The following SPATA17 variants were observed in gnomAD, a reference collection of about 807,000 sequenced individuals.
SPATA17 encodes the protein spermatogenesis-associated protein 17.
Under a neutral mutation model 62.2 loss-of-function variants are expected in SPATA17, and 53 were observed. That is an observed-to-expected ratio of 0.85 (90% CI 0.68 to 1.07). The LOEUF (loss-of-function observed/expected upper bound fraction) is 1.07. SPATA17 is among the 50% of genes least tolerant of loss of function. The pLI, the probability that SPATA17 is intolerant of heterozygous loss-of-function variation, is 0.00. For missense variants in SPATA17, 466 were observed against 425.5 expected, an observed-to-expected ratio of 1.10 and a Z score of -0.84; for synonymous variants, 146 against 146.8, an observed-to-expected ratio of 0.99 and a Z score of 0.04.
intron 1 of SPATA17, among the ~76,000 whole-genome samples, chr1:217,637,985 A>T (rs560976132): frequency 4.3e-4 from 65 of 152,180 alleles, no homozygotes; most frequent in Non-Finnish European, 8.1e-4. Flanking sequence ...TATGTTAACT[A>T]AGAAGATTAA....
At chr1:217,760,294 A>G (rs1049359198) in intron 6 of SPATA17, among the ~76,000 whole-genome samples, 1 of 152,220 alleles carries the variant, frequency 6.6e-6, no homozygotes, top group African/African-American at 2.4e-5. Flanking sequence ...CAAGATCAGA[A>G]CAAAATAGGA....
intron 9 of SPATA17, among the ~76,000 whole-genome samples, chr1:217,848,500 CT>C (rs1342226571): frequency 6.6e-6 from 1 of 152,034 alleles, no homozygotes; most frequent in Non-Finnish European, 1.5e-5. Context: ...GATGTTTCTT[CT>C]GTGTAACTTT....
intron 5 of SPATA17, among the ~76,000 whole-genome samples, chr1:217,690,979 A>G (rs1036365362): frequency 6.8e-6 from 1 of 146,916 alleles, no homozygotes; most frequent in African/African-American, 2.6e-5. Context: ...TAGCAGCATG[A>G]TTTATAGTCC....
intron 6 of SPATA17, among the ~76,000 whole-genome samples, chr1:217,743,453 A>G (rs960068773): frequency 6.6e-6 from 1 of 151,960 alleles, no homozygotes; most frequent in Non-Finnish European, 1.5e-5. Context: ...TTTAAATCTG[A>G]TATTTTATTT....
At chr1:217,861,916 T>C (rs1675904045) in intron 9 of SPATA17, among the ~76,000 whole-genome samples, 1 of 152,164 alleles carries the variant, frequency 6.6e-6, no homozygotes, top group African/African-American at 2.4e-5. Flanking sequence ...GAGGCTTTGC[T>C]GTACCAGAGT....
intron 3 of SPATA17, among the ~76,000 whole-genome samples, chr1:217,658,763 A>T (rs1289394504): frequency 6.6e-6 from 1 of 152,146 alleles, no homozygotes; most frequent in Admixed American, 6.5e-5. Flanking sequence ...ATCTCAAAAA[A>T]TCATAATAAT....
At chr1:217,786,750 T>TTCTTCTTCTTCTTCTTCTTCTTC (rs1553252152) in intron 8 of SPATA17, among the ~76,000 whole-genome samples, 24 of 107,550 alleles carry the variant, frequency 2.2e-4, no homozygotes, top group Middle Eastern at 5.3e-3. Flanking sequence ...TGATATTCTC[T>TTCTTCTTCTTCTTCTTCTTCTTC]TTCTTCTTCT....
chr1:217,656,040 C>T (rs977514028), intron 3 of SPATA17, among the ~76,000 whole-genome samples: 1 of 151,872 alleles, frequency 6.6e-6, no homozygotes, highest in African/African-American at 2.4e-5. Flanking sequence ...CCACCCCCCA[C>T]GCCCGGCTAG....
In SPATA17 at chr1:217,749,983, C is replaced by CTATATATATATATA. The variant is rs1387385689; in HGVS notation, c.519+7886_519+7887insATATATATATATAT. 1.6e-3 allele frequency among the ~76,000 whole-genome samples: 38 copies of CTATATATATATATA among 24,064 alleles called. 2 individuals carry two copies. Among genetic ancestry groups the CTATATATATATATA allele is most frequent in the African/African-American group, 3.4e-3 (22 of 6,382 alleles). The allele number at this position is 24,064 out of a possible 152,430, so 15.8% of individuals were successfully genotyped here. Reference sequence around the variant, plus strand: ...TCTCTCTCTCTCTCTCTCTCTCTCTCTCTATATATATATATATATATATAT... The same window carrying CTATATATATATATA: ...TCTCTCTCTCTCTCTCTCTCTCTCTCTATATATATATATATCTATATATATATATATATATATAT... On this transcript the variant is annotated intron_variant, in intron 6 of 10. Transcript: ENST00000366933.
At chr1:217,849,111 T>A (rs750431356) in intron 9 of SPATA17, among the ~76,000 whole-genome samples, 71 of 152,222 alleles carry the variant, frequency 4.7e-4, no homozygotes, top group Admixed American at 7.9e-4. Context: ...CTCAACTTCA[T>A]CTAAATTGGT....
At chr1:217,837,345 T>C (rs1181950700) in intron 9 of SPATA17, among the ~76,000 whole-genome samples, 1 of 152,106 alleles carries the variant, frequency 6.6e-6, no homozygotes, top group African/African-American at 2.4e-5. Context: ...AAATATAATA[T>C]CCAAGTACTA....
intron 1 of SPATA17, among the ~76,000 whole-genome samples, chr1:217,633,299 A>G (rs1202270684): frequency 6.6e-6 from 1 of 152,186 alleles, no homozygotes; most frequent in Non-Finnish European, 1.5e-5. Context: ...GACTGATTAT[A>G]TATGAGGGAT....
At chr1:217,800,404 A>T (rs773033899) in intron 8 of SPATA17, among the ~76,000 whole-genome samples, 9 of 152,118 alleles carry the variant, frequency 5.9e-5, no homozygotes, top group Non-Finnish European at 1.2e-4. Context: ...AAAGAGTTCA[A>T]TGGCCAGTCT....
chr1:217,800,153 A>T (rs1157889346), intron 8 of SPATA17, among the ~76,000 whole-genome samples: 1 of 152,088 alleles, frequency 6.6e-6, no homozygotes. Flanking sequence ...CTGGTAATTC[A>T]TTCTTAAGTT....
chr1:217,710,456 T>C (rs1417536042), intron 5 of SPATA17, among the ~76,000 whole-genome samples: 1 of 152,152 alleles, frequency 6.6e-6, no homozygotes, highest in Non-Finnish European at 1.5e-5. Flanking sequence ...CCAAGTTTAA[T>C]GCTTAAATAT....
intron 4 of SPATA17, among the ~76,000 whole-genome samples, chr1:217,680,505 G>A (rs571877105): frequency 6.6e-6 from 1 of 152,182 alleles, no homozygotes; most frequent in South Asian, 2.1e-4. Context: ...TCTAAATTGA[G>A]TATATAATTT....
At chr1:217,750,101 A>G (rs2102954978) in intron 6 of SPATA17, among the ~76,000 whole-genome samples, 1 of 147,200 alleles carries the variant, frequency 6.8e-6, no homozygotes, top group Admixed American at 6.8e-5. Flanking sequence ...ACATGTTACA[A>G]GCTTTTCACT....
intron 7 of SPATA17, 47 bp from the exon 8 acceptor site, chr1:217,782,127 C>A: frequency 6.6e-7 from 1 of 1,514,570 alleles, no homozygotes; most frequent in Non-Finnish European, 8.8e-7. Context: ...AGTAATACCT[C>A]AAAAAAATCT....
chr1:217,667,263 G>T (rs762822601), intron 3 of SPATA17, among the ~76,000 whole-genome samples: 8 of 151,820 alleles, frequency 5.3e-5, no homozygotes, highest in Non-Finnish European at 7.4e-5. Flanking sequence ...TGGCCAGGCT[G>T]GTCTCGAACT....
Sources: gnomAD v4.1 joint callset for allele counts (sites outside exome capture counted in the v4.1 genomes callset) on GRCh38, gnomAD v4.1.1 for gene constraint, MANE v1.5 for transcripts, NCBI Gene and HGNC (gene_info 2026-07-23, HGNC 2026-07-21) for gene names.